OTUD7B: variants seen among roughly 807,000 people sequenced by gnomAD.
OTUD7B encodes the protein OTU deubiquitinase 7B.
OTUD7B carries 34 observed loss-of-function variants against 82.2 expected under a neutral mutation model. The observed-to-expected ratio is 0.41, with a 90% CI of 0.31 to 0.55. The LOEUF (loss-of-function observed/expected upper bound fraction) is 0.55, where lower values mean the gene tolerates loss of function less well. OTUD7B is among the 20% of genes least tolerant of loss of function. OTUD7B has a pLI of 0.20. For synonymous variants in OTUD7B, 398 were observed against 402.7 expected (o/e 0.99, Z 0.14); for missense variants, 944 against 1,062.1 (o/e 0.89, Z 1.55).
At chr1:149,977,339 C>T (rs1180625012) in intron 2 of OTUD7B, 87 bp downstream of exon 2, 4 of 940,266 alleles carry the variant, frequency 4.3e-6, no homozygotes, top group Admixed American at 1.7e-5. Context: ...AAGTATCTTC[C>T]TGATCACCTT....
chr1:149,939,503 T>G lies in OTUD7B; in HGVS notation c.*4354A>C, dbSNP rs1180051297. 6.6e-6 allele frequency: 1 copy of G among 152,120 alleles called. No individual in the cohort carries two copies. The highest frequency in any genetic ancestry group is 1.5e-5 in the Non-Finnish European group (1 of 68,022). 9.4% of individuals were successfully genotyped at this position (152,120 alleles called of 1,614,324 possible). The stretch of plus-strand genomic sequence containing the variant: ...TGCCTGCATGACTCATCCAGATCTA[T>G]AGTTGAAAGGCCTGGAGGGAAAGAA... On this transcript the variant is annotated 3_prime_UTR_variant, in exon 12 of 12. Coordinates refer to ENST00000581312, the MANE Select transcript of OTUD7B (RefSeq NM_020205.4).
At chr1:149,946,492 A>G (rs1429068800) in intron 11 of OTUD7B, among the ~76,000 whole-genome samples, 1 of 152,164 alleles carries the variant, frequency 6.6e-6, no homozygotes, top group Non-Finnish European at 1.5e-5. Flanking sequence ...CTGTAATCCC[A>G]GAACTTTGGG....
chr1:150,027,525 T>C, the OTUD7B span, among the ~76,000 whole-genome samples: 1 of 152,122 alleles, frequency 6.6e-6, no homozygotes, highest in Non-Finnish European at 1.5e-5. Context: ...AGGCAGAGGC[T>C]ACACTGAGCT....
intron 1 of OTUD7B, among the ~76,000 whole-genome samples, chr1:150,006,665 C>T (rs2101945305): frequency 6.6e-6 from 1 of 152,298 alleles, no homozygotes; most frequent in South Asian, 2.1e-4. Flanking sequence ...GCAGAGACAA[C>T]TGAGAGTTAA....
At chr1:149,978,716 C>T (rs1338959442) in intron 1 of OTUD7B, among the ~76,000 whole-genome samples, 5 of 152,172 alleles carry the variant, frequency 3.3e-5, no homozygotes, top group Admixed American at 2.0e-4. Flanking sequence ...TTGGCAGAAA[C>T]TATGTCCCTA....
chr1:149,938,681 G>T lies in OTUD7B; in HGVS notation c.*5176C>A, dbSNP rs1404357015. 1 of 149,474 alleles carries T rather than the reference G, an allele frequency of 6.7e-6. No homozygotes were observed. The allele number at this position is 149,474 out of a possible 1,614,324, so 9.3% of individuals were successfully genotyped here. ...AATCCCAGCACTTTGGAAGGCTGAG[G>T]TGGGTGGATCACGGATCACCTGAGG... On this transcript the variant is annotated 3_prime_UTR_variant, in exon 12 of 12. Transcript: ENST00000581312.
the OTUD7B span, among the ~76,000 whole-genome samples, chr1:150,048,725 A>C: frequency 1.3e-5 from 2 of 152,186 alleles, no homozygotes; most frequent in South Asian, 4.1e-4. Context: ...AAATTAAACA[A>C]GACATACACA....
At chr1:150,044,950 A>G in the OTUD7B span, among the ~76,000 whole-genome samples, 1 of 152,008 alleles carries the variant, frequency 6.6e-6, no homozygotes. Context: ...ATATATCACT[A>G]TGTCTATATA....
chr1:149,981,695 C>T (rs1435517763), intron 1 of OTUD7B, among the ~76,000 whole-genome samples: 1 of 152,108 alleles, frequency 6.6e-6, no homozygotes, highest in Non-Finnish European at 1.5e-5. Flanking sequence ...TTGTGCTGAC[C>T]TCATTGTATA....
the OTUD7B span, among the ~76,000 whole-genome samples, chr1:150,039,582 TA>T: frequency 6.6e-6 from 1 of 152,184 alleles, no homozygotes; most frequent in Non-Finnish European, 1.5e-5. Flanking sequence ...TTCACCGTGT[TA>T]GCCAGGATAG....
intron 1 of OTUD7B, among the ~76,000 whole-genome samples, chr1:149,981,194 A>T (rs1553779579): frequency 2.0e-5 from 3 of 152,062 alleles, no homozygotes; most frequent in African/African-American, 7.2e-5. Context: ...ACTATTTGTT[A>T]ACTGAATGGT....
Position 149,971,175 on chromosome 1 carries a change from T to C in OTUD7B, c.162A>G (p.Pro54=). ...LRQVHAGNLP[P]SFSEGSGGSR... is the part of the protein sequence containing the mutation. The stretch of plus-strand genomic sequence containing the variant: ...AGCCACCACTCCCCTCACTAAAGGA[T>C]GGGGGTAGGTTTCCAGCATGGACTT... The change falls in exon 3 of 12, where the codon CCA becomes CCG. Residue 54 remains proline, a synonymous_variant. Coordinates refer to ENST00000581312, the MANE Select transcript of OTUD7B (RefSeq NM_020205.4). 6.2e-7 allele frequency: 1 copy of C among 1,612,650 alleles called. No individual in the cohort carries two copies. The highest frequency in any genetic ancestry group is 8.5e-7 in the Non-Finnish European group (1 of 1,178,824).
chr1:150,047,906 C>T, the OTUD7B span: 2 of 151,756 alleles, frequency 1.3e-5, no homozygotes, highest in African/African-American at 2.4e-5. Flanking sequence ...AAGACAAGAT[C>T]GCGCTCCAGC....
At chr1:149,976,697 T>C (rs1310350396) in intron 2 of OTUD7B, among the ~76,000 whole-genome samples, 2 of 150,950 alleles carry the variant, frequency 1.3e-5, no homozygotes, top group African/African-American at 4.9e-5. Flanking sequence ...ATGAAAACAT[T>C]AAATTGATTC....
At chr1:150,050,058 T>A in the OTUD7B span, among the ~76,000 whole-genome samples, 102 of 151,938 alleles carry the variant, frequency 6.7e-4, no homozygotes, top group Non-Finnish European at 4.4e-5. Context: ...ACAAAACTTT[T>A]AAAAAAATTC....
chr1:150,037,545 T>C, the OTUD7B span, among the ~76,000 whole-genome samples: 17 of 152,158 alleles, frequency 1.1e-4, 1 homozygote, highest in East Asian at 1.7e-3. Flanking sequence ...ACTGGTATAA[T>C]CTGGACAGTA....
chr1:149,951,001 T>TTTTTTTTTTTTTTTTTTTG (rs1388877490), intron 7 of OTUD7B, among the ~76,000 whole-genome samples: 1 of 63,706 alleles, frequency 1.6e-5, no homozygotes, highest in Non-Finnish European at 2.7e-5. Context: ...TTTTTTTTTG[T>TTTTTTTTTTTTTTTTTTTG]AGATGGAGTC....
intron 5 of OTUD7B, among the ~76,000 whole-genome samples, chr1:149,964,643 G>C (rs587657933): frequency 1.1e-3 from 164 of 152,146 alleles, no homozygotes; most frequent in African/African-American, 3.7e-3. Flanking sequence ...CCCCAGGCTG[G>C]AGTGCCATGG....
the OTUD7B span, among the ~76,000 whole-genome samples, chr1:150,021,265 G>GC: frequency 6.6e-6 from 1 of 152,034 alleles, no homozygotes; most frequent in Non-Finnish European, 1.5e-5. Flanking sequence ...TTTGACGTCT[G>GC]TTTTTTTCCA....
Sources: gnomAD v4.1 joint callset for allele counts (sites outside exome capture counted in the v4.1 genomes callset) on GRCh38, gnomAD v4.1.1 for gene constraint, MANE v1.5 for transcripts, NCBI Gene and HGNC (gene_info 2026-07-23, HGNC 2026-07-21) for gene names.